TEX11: variants seen among roughly 807,000 people sequenced by gnomAD.
TEX11 encodes the protein testis expressed 11.
A neutral mutation model predicts 84.4 loss-of-function variants in TEX11; 7 were observed. The ratio of observed to expected loss-of-function variants is 0.08; its 90% CI spans 0.05 to 0.16. The LOEUF is 0.16. TEX11 is among the 10% of genes least tolerant of loss of function. The pLI is 1.00. For synonymous variants in TEX11, 264 were observed against 222.8 expected, an observed-to-expected ratio of 1.18 and a Z score of -1.64; for missense variants, 551 against 660.5, an observed-to-expected ratio of 0.83 and a Z score of 1.82.
intron 15 of TEX11, among the ~76,000 whole-genome samples, chrX:70,676,028 C>T (rs891533804): frequency 1.3e-4 from 14 of 111,861 alleles, no homozygotes; most frequent in Non-Finnish European, 2.6e-4. Flanking sequence ...TGTCACTTAG[C>T]ATAATGTCCT....
At chrX:70,582,721 C>CATTTATTT (rs200086003) in intron 25 of TEX11, among the ~76,000 whole-genome samples, 12 of 48,251 alleles carry the variant, frequency 2.5e-4, no homozygotes, top group East Asian at 4.8e-4. Flanking sequence ...CTCCTATGTA[C>CATTTATTT]ATTTATTTAT....
chrX:70,529,172 T>C lies in TEX11; in HGVS notation c.2701A>G (p.Ser901Gly), dbSNP rs150726887. ...SYETQMNMLY[S>G]QLVEALSNNK... ...TTACTCAATGCTTCCACAAGCTGAC[T>C]ATACAGCATATTCATCTGGGAAAGA... Residue 901 changes from serine (S) to glycine (G), a missense_variant, in exon 30 of 30, where the codon AGT becomes GGT. By Grantham distance (56) the Ser-to-Gly change is moderately conservative. Coordinates refer to ENST00000374333, the MANE Select transcript of TEX11 (RefSeq NM_031276.3). 5.2e-5 allele frequency: 62 copies of C among 1,199,468 alleles called. No homozygotes were observed. The highest frequency in any genetic ancestry group is 5.5e-5 in the Non-Finnish European group (49 of 887,306).
intron 9 of TEX11, among the ~76,000 whole-genome samples, chrX:70,783,538 C>A (rs2091056545): frequency 9.0e-6 from 1 of 111,325 alleles, no homozygotes; most frequent in East Asian, 2.8e-4. Flanking sequence ...AATCCAAGAG[C>A]TGGATTTTTG....
intron 4 of TEX11, among the ~76,000 whole-genome samples, chrX:70,872,234 C>T (rs2091633407): frequency 8.9e-6 from 1 of 112,044 alleles, no homozygotes; most frequent in Non-Finnish European, 1.9e-5. Context: ...GGATCTGAGG[C>T]TCCTGGGAGC....
In TEX11 at chrX:70,833,581, C is replaced by T; in HGVS notation, c.538G>A (p.Gly180Arg). The T allele has an allele frequency of 8.4e-7, 1 of 1,196,874 alleles. No homozygotes were observed. ...SYQAESAVAQ[G>R]DFQRASMCVL... ...CACATAGATGCTCTTTGAAAATCCC[C>T]TTGAGCAACTGCCTGAAAAAGATAA... The change falls in exon 8 of 30, where the codon GGG becomes AGG. Residue 180 changes from glycine to arginine, a missense_variant. Physicochemically the swap from Gly to Arg is moderately radical, Grantham distance 125 (BLOSUM62 -2). Coordinates refer to ENST00000374333, the MANE Select transcript of TEX11 (RefSeq NM_031276.3).
chrX:70,627,095 G>A (rs1004209273), intron 18 of TEX11, among the ~76,000 whole-genome samples: 4 of 112,376 alleles, frequency 3.6e-5, no homozygotes, highest in African/African-American at 1.3e-4. Context: ...TGCAATTTAC[G>A]ATAAAGAGGT....
At chrX:70,563,248 A>C (rs1187295101) in intron 25 of TEX11, among the ~76,000 whole-genome samples, 1 of 111,952 alleles carries the variant, frequency 8.9e-6, no homozygotes, top group Non-Finnish European at 1.9e-5. Context: ...CCATAGAAAC[A>C]GCAAATTAAT....
At chrX:70,682,606 T>G in intron 14 of TEX11, 68 bp downstream of exon 14, 5 of 1,095,170 alleles carry the variant, frequency 4.6e-6, no homozygotes, top group Non-Finnish European at 6.2e-6. Context: ...ATTTTGCTAT[T>G]ACTCTGACAT....
At chrX:70,717,611 G>T (rs995245329) in intron 13 of TEX11, among the ~76,000 whole-genome samples, 1 of 111,544 alleles carries the variant, frequency 9.0e-6, no homozygotes, top group African/African-American at 3.3e-5. Context: ...AAGCCACCAC[G>T]CCTGGCCACT....
intron 8 of TEX11, among the ~76,000 whole-genome samples, chrX:70,822,110 T>A (rs1405115229): frequency 9.0e-6 from 1 of 111,649 alleles, no homozygotes; most frequent in African/African-American, 3.3e-5. Flanking sequence ...TAAATAGTTG[T>A]TATACTGTAT....
At chrX:70,750,933 A>AAAAAAAATATATATATATAT (rs1390175136) in intron 9 of TEX11, among the ~76,000 whole-genome samples, 3 of 28,194 alleles carry the variant, frequency 1.1e-4, no homozygotes, top group South Asian at 2.5e-3. Context: ...AAAAAAAAAA[A>AAAAAAAATATATATATATAT]ATATATATAT....
chrX:70,614,974 A>T (rs990827931), intron 20 of TEX11, among the ~76,000 whole-genome samples: 1 of 111,570 alleles, frequency 9.0e-6, no homozygotes, highest in Non-Finnish European at 1.9e-5. Flanking sequence ...GTCTCCAAGA[A>T]CTATAGCATT....
intron 16 of TEX11, among the ~76,000 whole-genome samples, chrX:70,657,002 A>C (rs1316990205): frequency 1.8e-5 from 2 of 111,940 alleles, no homozygotes; most frequent in Non-Finnish European, 3.8e-5. Context: ...TGAAAGAAAA[A>C]GTATAGATCA....
chrX:70,710,367 C>A (rs1333746651), intron 13 of TEX11, among the ~76,000 whole-genome samples: 2 of 110,807 alleles, frequency 1.8e-5, no homozygotes, highest in Admixed American at 9.6e-5. Flanking sequence ...GGATTAAAGT[C>A]CAAGGTTAGG....
chrX:70,868,451 T>C (rs751012222), intron 4 of TEX11, among the ~76,000 whole-genome samples: 1 of 111,533 alleles, frequency 9.0e-6, no homozygotes, highest in Non-Finnish European at 1.9e-5. Context: ...GTTCAACCAT[T>C]GTAGAAGACA....
intron 8 of TEX11, among the ~76,000 whole-genome samples, chrX:70,817,094 A>G (rs770250254): frequency 4.6e-4 from 49 of 107,035 alleles, no homozygotes; most frequent in Middle Eastern, 9.6e-3. Flanking sequence ...AGACGATATC[A>G]TGGTTTTCAG....
At chrX:70,906,122 T>TC (rs2091832423) in intron 2 of TEX11, among the ~76,000 whole-genome samples, 2 of 49,450 alleles carry the variant, frequency 4.0e-5, no homozygotes, top group Admixed American at 3.5e-4. Context: ...TATATATATA[T>TC]ATATATATAT....
intron 11 of TEX11, among the ~76,000 whole-genome samples, chrX:70,733,744 G>C (rs1409390650): frequency 1.8e-5 from 2 of 111,679 alleles, no homozygotes; most frequent in East Asian, 5.6e-4. Flanking sequence ...AAGTCAGTGT[G>C]GCGATTCCTC....
In TEX11 at chrX:70,620,067, G is replaced by A. The variant is rs191116096; in HGVS notation, c.1751+3883C>T. On this transcript the variant is annotated intron_variant, in intron 20 of 29. Coordinates refer to ENST00000374333, the MANE Select transcript of TEX11 (RefSeq NM_031276.3). ...TCTCAATCTCCTGACCTTGTGATCC[G>A]CCCGCCTCGGCCTCCCAAAGTGCTG... is the stretch of plus-strand genomic sequence containing the variant. Among the ~76,000 whole-genome samples the A allele has an allele frequency of 2.4e-3, 263 of 110,549 alleles. 2 individuals are homozygous for A. Among genetic ancestry groups the A allele is most frequent in the Middle Eastern group, 9.5e-3 (2 of 211 alleles).
Sources: gnomAD v4.1 joint callset for allele counts (sites outside exome capture counted in the v4.1 genomes callset) on GRCh38, gnomAD v4.1.1 for gene constraint, MANE v1.5 for transcripts, NCBI Gene and HGNC (gene_info 2026-07-23, HGNC 2026-07-21) for gene names.